ATRNL1: variants seen among roughly 807,000 people sequenced by gnomAD.
ATRNL1 encodes attractin-like protein 1.
Under a neutral mutation model 182.7 loss-of-function variants are expected in ATRNL1, and 95 were observed. That is an observed-to-expected ratio of 0.52 (90% confidence interval 0.44 to 0.62). The LOEUF is 0.62. Among genes scored for constraint, ATRNL1 ranks in the 20% least tolerant of loss-of-function variants. The pLI is 0.00. For missense variants in ATRNL1, 1,471 were observed against 1,679.5 expected, an observed-to-expected ratio of 0.88 and a Z score of 2.17; for synonymous variants, 576 against 568.3, an observed-to-expected ratio of 1.01 and a Z score of -0.19.
At chr10:115,421,335 G>C (rs1311714500) in intron 20 of ATRNL1, among the ~76,000 whole-genome samples, 7 of 152,180 alleles carry the variant, frequency 4.6e-5, no homozygotes, top group African/African-American at 1.7e-4. Flanking sequence ...CATATTATAA[G>C]GTCATTGACC....
chr10:115,478,801 ATAG>A (rs1554973611), intron 24 of ATRNL1, among the ~76,000 whole-genome samples: 2 of 151,760 alleles, frequency 1.3e-5, no homozygotes, highest in Admixed American at 6.6e-5. Context: ...GACTGAAATA[ATAG>A]TATTATAGTT....
At chr10:115,725,445 G>A (rs1947565679) in intron 26 of ATRNL1, among the ~76,000 whole-genome samples, 1 of 152,024 alleles carries the variant, frequency 6.6e-6, no homozygotes, top group African/African-American at 2.4e-5. Flanking sequence ...TATACTTTTA[G>A]ATATAAGGAA....
At chr10:115,513,151 C>T (rs1554983075) in intron 24 of ATRNL1, among the ~76,000 whole-genome samples, 3 of 151,900 alleles carry the variant, frequency 2.0e-5, no homozygotes, top group African/African-American at 4.8e-5. Flanking sequence ...AGATTGGGCA[C>T]CCCTGCAGTT....
At chr10:115,361,436 T>C (rs1024458108) in intron 19 of ATRNL1, among the ~76,000 whole-genome samples, 1 of 152,074 alleles carries the variant, frequency 6.6e-6, no homozygotes, top group Non-Finnish European at 1.5e-5. Flanking sequence ...TTGGTACTTT[T>C]AGTGGGCTCT....
chr10:115,167,975 G>T (rs1293382630), intron 7 of ATRNL1, among the ~76,000 whole-genome samples: 1 of 151,998 alleles, frequency 6.6e-6, no homozygotes, highest in African/African-American at 2.4e-5. Context: ...TATCCTTTCG[G>T]TATCACCCCA....
chr10:115,726,748 G>C (rs1351310782), intron 26 of ATRNL1, among the ~76,000 whole-genome samples: 1 of 152,076 alleles, frequency 6.6e-6, no homozygotes, highest in Non-Finnish European at 1.5e-5. Flanking sequence ...CAGTTCACAG[G>C]GGATTCTGAT....
intron 26 of ATRNL1, among the ~76,000 whole-genome samples, chr10:115,600,084 T>C (rs1555015419): frequency 6.6e-6 from 1 of 152,126 alleles, no homozygotes; most frequent in Admixed American, 6.5e-5. Flanking sequence ...TTATGCAGCA[T>C]GTGTGTGTGT....
chr10:115,806,637 T>C (rs1368508884), intron 27 of ATRNL1, among the ~76,000 whole-genome samples: 1 of 152,160 alleles, frequency 6.6e-6, no homozygotes, highest in African/African-American at 2.4e-5. Context: ...ATAATATACA[T>C]TAATTAATTG....
chr10:115,667,958 C>T (rs1348307154), intron 26 of ATRNL1, among the ~76,000 whole-genome samples: 1 of 151,932 alleles, frequency 6.6e-6, no homozygotes, highest in Non-Finnish European at 1.5e-5. Context: ...AGCCACCACA[C>T]CTGGACCATC....
In ATRNL1 at chr10:115,389,538, GTGTATATATATA is replaced by G. The variant is rs1379099520; in HGVS notation, c.3176-5119_3176-5108del. 7.0e-4 allele frequency among the ~76,000 whole-genome samples: 36 copies of G among 51,408 alleles called. 1 individual carries two copies. Among genetic ancestry groups the G allele is most frequent in the South Asian group, 3.7e-3 (5 of 1,358 alleles). 33.7% of individuals were successfully genotyped at this position (51,408 alleles called of 152,430 possible). ...AGCTGAATAGTATTCAAATGTGTAT[GTGTATATATATA>G]TATATATATATATATATATATATAT... On this transcript the variant is annotated intron_variant, in intron 19 of 28. Transcript: ENST00000355044.
At chr10:115,452,130 A>G (rs1847311972) in intron 21 of ATRNL1, among the ~76,000 whole-genome samples, 1 of 152,176 alleles carries the variant, frequency 6.6e-6, no homozygotes, top group South Asian at 2.1e-4. Context: ...GGGAAGCGGG[A>G]GAGACAGCTA....
At chr10:115,741,727 T>C (rs1555067711) in intron 27 of ATRNL1, among the ~76,000 whole-genome samples, 3 of 152,076 alleles carry the variant, frequency 2.0e-5, no homozygotes, top group African/African-American at 7.2e-5. Flanking sequence ...ATGTAGAATA[T>C]ATAGAATGTA....
In ATRNL1 at chr10:115,817,877, G is replaced by GTT. The variant is rs35087740; in HGVS notation, c.3904-29984_3904-29983dup. 6.1e-3 allele frequency among the ~76,000 whole-genome samples: 813 copies of GTT among 133,862 alleles called. 9 individuals are homozygous for GTT. The highest frequency in any genetic ancestry group is 0.021 in the African/African-American group (757 of 36,114). 87.8% of individuals were successfully genotyped at this position (133,862 alleles called of 152,430 possible). A position where few individuals can be genotyped will look rare whatever the true frequency, so the allele number is the denominator to read the frequency against. On this transcript the variant is annotated intron_variant, in intron 27 of 28. Transcript: ENST00000355044. The stretch of plus-strand genomic sequence containing the variant: ...GCATATGGCTTTGATTTTACGTTGT[G>GTT]TTTTTTTTTTTTTTTTTCTGTTTTA...
chr10:115,212,191 A>G (rs1347272539), intron 8 of ATRNL1, among the ~76,000 whole-genome samples: 3 of 151,538 alleles, frequency 2.0e-5, no homozygotes, highest in Admixed American at 6.6e-5. Context: ...CTCTCTCTTG[A>G]TAAATTTTAT....
At chr10:115,294,121 A>G (rs527276244) in intron 15 of ATRNL1, among the ~76,000 whole-genome samples, 13 of 152,326 alleles carry the variant, frequency 8.5e-5, no homozygotes, top group African/African-American at 2.4e-4. Flanking sequence ...TTTCTTGTAA[A>G]TGCTGTAGGC....
At chr10:115,729,348 G>T (rs1947714333) in intron 27 of ATRNL1, among the ~76,000 whole-genome samples, 1 of 127,114 alleles carries the variant, frequency 7.9e-6, no homozygotes, top group Non-Finnish European at 1.7e-5. Flanking sequence ...TATTTCATTT[G>T]CAATTTCGCT....
chr10:115,686,612 C>A lies in ATRNL1; in HGVS notation c.3796-40636C>A, dbSNP rs540023102. On this transcript the variant is annotated intron_variant, in intron 26 of 28. Transcript: ENST00000355044. The stretch of plus-strand genomic sequence containing the variant: ...CTTGCAAGGCACATTAATAGGTGCT[C>A]AGTTAGCATTTGTAAACTGAATGGA... Among the ~76,000 whole-genome samples, 25 of 152,106 alleles carry A rather than the reference C, an allele frequency of 1.6e-4. No homozygotes were observed. The South Asian group carries it at 3.7e-3, about 23-fold the overall frequency.
At chr10:115,488,641 G>T (rs1400346970) in intron 24 of ATRNL1, among the ~76,000 whole-genome samples, 1 of 152,046 alleles carries the variant, frequency 6.6e-6, no homozygotes, top group Non-Finnish European at 1.5e-5. Context: ...CTGGCTAGCG[G>T]TCTATGTATT....
At position 115,332,995 on chromosome 10, in the gene ATRNL1, A is replaced by G. The variant is rs201323884; in HGVS notation, c.3038-1287A>G. 4.6e-5 allele frequency among the ~76,000 whole-genome samples: 7 copies of G among 152,304 alleles called. No individual in the cohort carries two copies. In the East Asian group the frequency reaches 1.4e-3, roughly 29 times the overall value. ...ATTAAATAATAAAATTCATATGTAC[A>G]ATTTGGTCCTCTGTCTGGCCAAGGC... On this transcript the variant is annotated intron_variant, in intron 18 of 28. Coordinates refer to ENST00000355044, the MANE Select transcript of ATRNL1 (RefSeq NM_207303.4).
Sources: allele counts gnomAD v4.1 joint callset (sites outside exome capture counted in the v4.1 genomes callset), GRCh38; gene constraint gnomAD v4.1.1; transcripts MANE v1.5; gene names NCBI Gene and HGNC (gene_info 2026-07-23, HGNC 2026-07-21).